The following CAPN8 variants were observed in gnomAD, a reference collection of about 807,000 sequenced individuals.
CAPN8 encodes calpain 8, also known as calpain-8.
In CAPN8, 87 loss-of-function variants were observed where a neutral mutation model predicts 80.9. The ratio of observed to expected loss-of-function variants is 1.07; its 90% CI spans 0.90 to 1.28. CAPN8 has a LOEUF of 1.28. Among genes scored for constraint, CAPN8 ranks in the 50% most tolerant of loss-of-function variants. CAPN8 has a pLI of 0.00. For synonymous variants in CAPN8, 299 were observed against 273.8 expected, an observed-to-expected ratio of 1.09 and a Z score of -0.91; for missense variants, 757 against 702.0, an observed-to-expected ratio of 1.08 and a Z score of -0.89.
Position 223,544,853 on chromosome 1 carries a change from A to G in CAPN8, c.1834-3T>C, listed in dbSNP as rs1053833749. The G allele has an allele frequency of 7.7e-6, 12 of 1,551,654 alleles. No individual in the cohort carries two copies. Among genetic ancestry groups the G allele is most frequent in the Non-Finnish European group, 1.0e-5 (12 of 1,147,000 alleles). ...TAATCAGTTTCCCAATAGATCTCCT[A>G]AAGCAGGAAAGAAATCCCAAGTAGA... On this transcript the variant is annotated splice_polypyrimidine_tract_variant and splice_region_variant and intron_variant, in intron 17 of 20. Transcript: ENST00000366872.
intron 4 of CAPN8, among the ~76,000 whole-genome samples, chr1:223,627,660 C>G (rs77279479): frequency 2.2e-4 from 33 of 152,294 alleles, no homozygotes; most frequent in African/African-American, 7.7e-4. Context: ...AGTTTGGTAT[C>G]TAGTACATTT....
chr1:223,556,859 A>G (rs1656917451), intron 13 of CAPN8, among the ~76,000 whole-genome samples: 1 of 152,192 alleles, frequency 6.6e-6, no homozygotes, highest in East Asian at 1.9e-4. Context: ...CCTGGGACCC[A>G]CAGTAAGAGA....
intron 7 of CAPN8, 54 bp downstream of exon 7, chr1:223,622,761 G>T: frequency 7.3e-7 from 1 of 1,369,780 alleles, no homozygotes. Flanking sequence ...TGTTTTACAC[G>T]ACACCCTTCC....
At chr1:223,547,407 C>T (rs982311308) in intron 16 of CAPN8, among the ~76,000 whole-genome samples, 2 of 152,084 alleles carry the variant, frequency 1.3e-5, no homozygotes, top group Non-Finnish European at 2.9e-5. Context: ...CCACAATAGA[C>T]AAATTTGTAG....
Position 223,616,078 on chromosome 1 carries a change from G to T in CAPN8, c.1203C>A (p.Ser401Arg). 6.4e-7 allele frequency: 1 copy of T among 1,552,172 alleles called. No homozygotes were observed. Among genetic ancestry groups the T allele is most frequent in the South Asian group, 1.2e-5 (1 of 84,068 alleles). ...LDEVDEDQEE[S>R]IGEPCCTVLL... is the part of the protein sequence containing the mutation. ...GCACTGTACAGCAGGGTTCACCGAT[G>T]CTCTCCTCCTGGTCCTCATCCACTT... Residue 401 changes from serine to arginine, a missense_variant, in exon 10 of 21, where the codon AGC becomes AGA. By Grantham distance (110) the Ser-to-Arg change is moderately radical. Transcript: ENST00000366872.
chr1:223,543,290 C>G, intron 19 of CAPN8, 124 bp from the exon 20 acceptor site: 1 of 1,103,524 alleles, frequency 9.1e-7, no homozygotes, highest in South Asian at 1.6e-5. Context: ...ACCACCCCCT[C>G]CCCTCCAGCC....
chr1:223,549,480 G>T, intron 15 of CAPN8, 98 bp from the exon 16 acceptor site: 1 of 1,529,960 alleles, frequency 6.5e-7, no homozygotes, highest in Non-Finnish European at 8.8e-7. Context: ...ACCATCCAAG[G>T]GTGTGGAACC....
At chr1:223,657,682 A>C (rs1658536591) in intron 1 of CAPN8, among the ~76,000 whole-genome samples, 1 of 152,150 alleles carries the variant, frequency 6.6e-6, no homozygotes, top group South Asian at 2.1e-4. Context: ...CAAGAGAATC[A>C]CTTGAACCCG....
intron 3 of CAPN8, among the ~76,000 whole-genome samples, chr1:223,628,442 C>G (rs1657666738): frequency 6.6e-6 from 1 of 152,172 alleles, no homozygotes; most frequent in African/African-American, 2.4e-5. Flanking sequence ...CTGAAGGCCA[C>G]GTGGCCTAGG....
intron 11 of CAPN8, among the ~76,000 whole-genome samples, chr1:223,609,933 G>C (rs1197794298): frequency 6.6e-6 from 1 of 152,176 alleles, no homozygotes; most frequent in Non-Finnish European, 1.5e-5. Flanking sequence ...GGCCTAGTCT[G>C]GGGTCCCCCC....
intron 15 of CAPN8, 164 bp from the exon 16 acceptor site, chr1:223,549,546 G>T (rs180991144): frequency 1.9e-6 from 2 of 1,035,278 alleles, no homozygotes; most frequent in East Asian, 2.6e-5. Context: ...GGGCAGATAC[G>T]CCTGAGCCTC....
chr1:223,650,691 C>A (rs144244491), intron 2 of CAPN8, among the ~76,000 whole-genome samples: 5 of 152,226 alleles, frequency 3.3e-5, no homozygotes, highest in Non-Finnish European at 7.4e-5. Context: ...ATGCCGTTCC[C>A]CTTCCATGAT....
rs554664416 is a variant in CAPN8 at position 223,627,362 on chromosome 1, AC to A, written c.561-206del. ...CTTCACTAGGAACTGACCTCAGCCAACCTCTCTCCAGCCACCCCCTCCTTTA... is the reference window on the plus strand; with the variant it reads ...CTTCACTAGGAACTGACCTCAGCCAACTCTCTCCAGCCACCCCCTCCTTTA... On this transcript the variant is annotated intron_variant, in intron 4 of 20. Transcript: ENST00000366872. 9.2e-5 allele frequency among the ~76,000 whole-genome samples: 14 copies of A among 152,094 alleles called. No homozygotes were observed. The South Asian group carries it at 2.5e-3, about 27-fold the overall frequency.
chr1:223,653,695 C>G (rs546753821), intron 2 of CAPN8, among the ~76,000 whole-genome samples: 1 of 152,222 alleles, frequency 6.6e-6, no homozygotes, highest in Non-Finnish European at 1.5e-5. Flanking sequence ...GCCTTGGTAT[C>G]GGGAGGGCTT....
chr1:223,629,705 G>C (rs867001753), intron 2 of CAPN8, among the ~76,000 whole-genome samples: 5 of 152,330 alleles, frequency 3.3e-5, no homozygotes, highest in Middle Eastern at 3.4e-3. Context: ...ACCAGCTGCT[G>C]AGGTCTCAGT....
chr1:223,612,422 C>A (rs1037371272), intron 10 of CAPN8, among the ~76,000 whole-genome samples, 165 bp from the exon 11 acceptor site: 2 of 152,066 alleles, frequency 1.3e-5, no homozygotes, highest in African/African-American at 4.8e-5. Context: ...GAAACTGGAA[C>A]ACTACTGATG....
Position 223,626,994 on chromosome 1 carries a change from T to C in CAPN8, c.724A>G (p.Ile242Val). Residue 242 changes from isoleucine (I) to valine (V), a missense_variant, in exon 5 of 21, where the codon ATT becomes GTT. Coordinates refer to ENST00000366872, the MANE Select transcript of CAPN8 (RefSeq NM_001143962.2). ...LCAGSLLGCS[I>V]DVSSAAEAEA... ...AGAGAAGCCATATGCCTCACATCAA[T>C]GGAGCAGCCCAGCAGAGACCCCGCA... is the stretch of plus-strand genomic sequence containing the variant. 5 of 1,551,228 alleles carry C rather than the reference T, an allele frequency of 3.2e-6. No individual in the cohort carries two copies. The highest frequency in any genetic ancestry group is 1.4e-5 in the African/African-American group (1 of 73,134).
At chr1:223,618,915 C>T (rs1392135738) in intron 9 of CAPN8, among the ~76,000 whole-genome samples, 1 of 152,218 alleles carries the variant, frequency 6.6e-6, no homozygotes, top group Non-Finnish European at 1.5e-5. Context: ...TAGGGCTGGG[C>T]ACGGTGGCTC....
rs1432471682 is a variant in CAPN8, at chr1:223,619,466, C to A, written c.975-13G>T. On this transcript the variant is annotated splice_polypyrimidine_tract_variant and intron_variant, in intron 8 of 20. Coordinates refer to ENST00000366872, the MANE Select transcript of CAPN8 (RefSeq NM_001143962.2). ...TGAAAGTGACATCCTGGGGCAGAGG[C>A]ACCAGAGGGCTCTCAGTGAAGAGGG... 3.9e-6 allele frequency: 6 copies of A among 1,551,252 alleles called. No homozygotes were observed. In the African/African-American group the frequency reaches 8.2e-5, roughly 21 times the overall value.
Sources: gnomAD v4.1 joint callset for allele counts (sites outside exome capture counted in the v4.1 genomes callset) on GRCh38, gnomAD v4.1.1 for gene constraint, MANE v1.5 for transcripts, NCBI Gene and HGNC (gene_info 2026-07-23, HGNC 2026-07-21) for gene names.